The following ANKRD44 variants were observed in gnomAD, a reference collection of about 807,000 sequenced individuals.
The protein encoded by ANKRD44 is serine/threonine-protein phosphatase 6 regulatory ankyrin repeat subunit B.
A neutral mutation model predicts 116.0 loss-of-function variants in ANKRD44; 35 were observed. The ratio of observed to expected loss-of-function variants is 0.30; its 90% CI spans 0.23 to 0.40. The LOEUF (loss-of-function observed/expected upper bound fraction) is 0.40, where lower values mean the gene tolerates loss of function less well. Among genes scored for constraint, ANKRD44 ranks in the 10% least tolerant of loss-of-function variants. The pLI, the probability that ANKRD44 is intolerant of heterozygous loss-of-function variation, is 1.00. For synonymous variants in ANKRD44, 435 were observed against 461.8 expected (o/e 0.94, Z 0.74); for missense variants, 1,014 against 1,242.6 (o/e 0.82, Z 2.77).
At chr2:197,127,805 C>G (rs2079009904) in intron 4 of ANKRD44, among the ~76,000 whole-genome samples, 1 of 152,150 alleles carries the variant, frequency 6.6e-6, no homozygotes, top group South Asian at 2.1e-4. Flanking sequence ...GCTATTCTTC[C>G]TGGTGCTCTC....
At chr2:197,164,799 T>C (rs1390899013) in intron 2 of ANKRD44, among the ~76,000 whole-genome samples, 1 of 152,070 alleles carries the variant, frequency 6.6e-6, no homozygotes, top group Non-Finnish European at 1.5e-5. Context: ...CCTTCCTCTG[T>C]GTTCCCTGGG....
In ANKRD44 at chr2:196,987,651, T is replaced by C; in HGVS notation, c.*1940A>G. 1.0e-6 allele frequency: 1 copy of C among 985,406 alleles called. No homozygotes were observed. The allele number at this position is 985,406 out of a possible 1,614,324, so 61.0% of individuals were successfully genotyped here. A position where few individuals can be genotyped will look rare whatever the true frequency, so the allele number is the denominator to read the frequency against. ...TTAGTAGTGATAAATAGAAATACCC[T>C]GAGCTATTTACTGTAGAATCATAGC... is the stretch of plus-strand genomic sequence containing the variant. On this transcript the variant is annotated 3_prime_UTR_variant, in exon 28 of 28. Coordinates refer to ENST00000282272, the MANE Select transcript of ANKRD44 (RefSeq NM_001195144.2).
At chr2:197,125,221 T>C (rs2579395) in intron 6 of ANKRD44, among the ~76,000 whole-genome samples, 160 bp downstream of exon 6, 140,622 of 152,318 alleles carry the variant, frequency 0.92, 65,266 homozygotes, top group East Asian at 0.98. Context: ...CCGACTGGAG[T>C]GCACTATGCA....
At chr2:197,062,642 TCTTAGC>T (rs1240577994) in intron 16 of ANKRD44, among the ~76,000 whole-genome samples, 1 of 152,062 alleles carries the variant, frequency 6.6e-6, no homozygotes, top group Non-Finnish European at 1.5e-5. Flanking sequence ...TTTCCAACAG[TCTTAGC>T]AAATGGCACA....
At chr2:196,999,828 C>G (rs986992727) in intron 23 of ANKRD44, among the ~76,000 whole-genome samples, 8 of 152,064 alleles carry the variant, frequency 5.3e-5, no homozygotes, top group African/African-American at 1.4e-4. Flanking sequence ...CTCCTGGCCT[C>G]ATGATCCACC....
intron 1 of ANKRD44, among the ~76,000 whole-genome samples, chr2:197,264,440 G>A (rs2082689444): frequency 6.6e-6 from 1 of 152,134 alleles, no homozygotes; most frequent in African/African-American, 2.4e-5. Flanking sequence ...AAAGCATCCT[G>A]GATTTCTTGA....
At position 197,007,892 on chromosome 2, in the gene ANKRD44, G is replaced by A. The variant is rs746139237; in HGVS notation, c.2044C>T (p.His682Tyr). 6.2e-7 allele frequency: 1 copy of A among 1,613,862 alleles called. No individual in the cohort carries two copies. The highest frequency in any genetic ancestry group is 1.1e-5 in the South Asian group (1 of 91,068). The change falls in exon 20 of 28, where the codon CAT becomes TAT. Residue 682 changes from histidine (H) to tyrosine (Y), a missense_variant. Physicochemically the swap from His to Tyr is moderately conservative, Grantham distance 83. Coordinates refer to ENST00000282272, the MANE Select transcript of ANKRD44 (RefSeq NM_001195144.2). ...AGTAACAATGAAACAGCGTCAATAT[G>A]TCCATATGCTACTGCAAGCATCAGT... The part of the protein sequence containing the change: ...TPLMLAVAYG[H>Y]IDAVSLLLEK...
intron 2 of ANKRD44, among the ~76,000 whole-genome samples, chr2:197,170,178 A>G (rs1299127086): frequency 8.6e-6 from 1 of 115,698 alleles, no homozygotes; most frequent in Non-Finnish European, 1.8e-5. Context: ...CGATAGAACA[A>G]GACCCTGTTT....
At chr2:197,262,964 T>G (rs1314304083) in intron 1 of ANKRD44, 2 of 171,030 alleles carry the variant, frequency 1.2e-5, no homozygotes, top group Non-Finnish European at 2.5e-5. Context: ...TTTCCTAACA[T>G]GGATATCTAA....
chr2:197,148,381 T>TC (rs2079559425), intron 2 of ANKRD44, among the ~76,000 whole-genome samples: 11 of 152,218 alleles, frequency 7.2e-5, no homozygotes, highest in Admixed American at 7.2e-4. Flanking sequence ...TATTGACTCC[T>TC]CCATAGCAAT....
chr2:197,017,146 G>A (rs1473389314), intron 17 of ANKRD44, among the ~76,000 whole-genome samples: 1 of 152,212 alleles, frequency 6.6e-6, no homozygotes, highest in Non-Finnish European at 1.5e-5. Context: ...ATAGATTGGT[G>A]TGACATTTGT....
chr2:197,258,077 T>G, intron 1 of ANKRD44, among the ~76,000 whole-genome samples: 1 of 151,954 alleles, frequency 6.6e-6, no homozygotes, highest in East Asian at 1.9e-4. Flanking sequence ...CCTTCCTTTT[T>G]ATTTTTTCTT....
intron 2 of ANKRD44, among the ~76,000 whole-genome samples, chr2:197,158,235 G>T (rs1201578084): frequency 5.3e-5 from 8 of 152,190 alleles, no homozygotes; most frequent in Non-Finnish European, 1.2e-4. Flanking sequence ...GTTCACAATT[G>T]TTCTATGCAT....
chr2:197,091,701 A>G (rs1462672470), intron 10 of ANKRD44, among the ~76,000 whole-genome samples: 2 of 152,198 alleles, frequency 1.3e-5, no homozygotes. Flanking sequence ...TTATTGTGGT[A>G]TTATGTCCCA....
intron 1 of ANKRD44, among the ~76,000 whole-genome samples, chr2:197,279,898 C>T (rs1357615208): frequency 6.6e-6 from 1 of 152,192 alleles, no homozygotes; most frequent in Non-Finnish European, 1.5e-5. Context: ...GTGTCTTGTC[C>T]TGGCTTCCCA....
At chr2:197,241,788 A>T (rs2082095038) in intron 1 of ANKRD44, among the ~76,000 whole-genome samples, 1 of 152,152 alleles carries the variant, frequency 6.6e-6, no homozygotes, top group Admixed American at 6.5e-5. Flanking sequence ...AAAAGGAAGA[A>T]TCATTTCAAT....
At chr2:197,106,806 A>T (rs1041954986) in intron 9 of ANKRD44, among the ~76,000 whole-genome samples, 24 of 136,574 alleles carry the variant, frequency 1.8e-4, no homozygotes, top group South Asian at 7.1e-4. Flanking sequence ...ATATATATAT[A>T]TTTTTTTTTT....
intron 2 of ANKRD44, among the ~76,000 whole-genome samples, chr2:197,173,198 G>A (rs2080283580): frequency 6.6e-6 from 1 of 152,032 alleles, no homozygotes. Context: ...GATCAATCAT[G>A]TGATCTTTCT....
chr2:197,160,986 T>G (rs1377026415), intron 2 of ANKRD44, among the ~76,000 whole-genome samples: 4 of 152,078 alleles, frequency 2.6e-5, no homozygotes, highest in Non-Finnish European at 4.4e-5. Context: ...ACAGACTCAT[T>G]ACAGGTCCTC....
Sources: gnomAD v4.1 joint callset for allele counts (sites outside exome capture counted in the v4.1 genomes callset) on GRCh38, gnomAD v4.1.1 for gene constraint, MANE v1.5 for transcripts, NCBI Gene and HGNC (gene_info 2026-07-23, HGNC 2026-07-21) for gene names.